CMTM7: variants seen among roughly 807,000 people sequenced by gnomAD.
CMTM7 encodes the protein CKLF-like MARVEL transmembrane domain-containing protein 7.
A neutral mutation model predicts 19.3 loss-of-function variants in CMTM7; 7 were observed. The ratio of observed to expected loss-of-function variants is 0.36; its 90% CI spans 0.21 to 0.68. The LOEUF (loss-of-function observed/expected upper bound fraction) is 0.68. Ranked by LOEUF, CMTM7 falls within the 30% of genes least tolerant of loss-of-function variation. CMTM7 has a pLI of 0.60. For synonymous variants in CMTM7, 87 were observed against 99.3 expected, an observed-to-expected ratio of 0.88 and a Z score of 0.74; for missense variants, 193 against 232.6, an observed-to-expected ratio of 0.83 and a Z score of 1.11.
At chr3:32,442,713 A>G (rs1696699563) in intron 2 of CMTM7, among the ~76,000 whole-genome samples, 1 of 152,150 alleles carries the variant, frequency 6.6e-6, no homozygotes, top group South Asian at 2.1e-4. Flanking sequence ...CTGAGGAGAC[A>G]GTCAGAAGTT....
intron 1 of CMTM7, among the ~76,000 whole-genome samples, chr3:32,432,295 A>C (rs1331208023): frequency 6.6e-6 from 1 of 152,044 alleles, no homozygotes; most frequent in Non-Finnish European, 1.5e-5. Context: ...GCCTCCTCCC[A>C]CCACAGGCTT....
intron 1 of CMTM7, among the ~76,000 whole-genome samples, chr3:32,400,209 G>A (rs1322784277): frequency 6.6e-6 from 1 of 151,750 alleles, no homozygotes; most frequent in African/African-American, 2.4e-5. Flanking sequence ...TAGTAGAGAC[G>A]GGGTTTCTCC....
intron 1 of CMTM7, among the ~76,000 whole-genome samples, chr3:32,403,223 GT>G (rs1364883930): frequency 6.6e-6 from 1 of 151,892 alleles, no homozygotes; most frequent in African/African-American, 2.4e-5. Flanking sequence ...TGTTCTTGTT[GT>G]TTGTTTTTGA....
intron 2 of CMTM7, among the ~76,000 whole-genome samples, chr3:32,444,297 C>T (rs1489174242): frequency 1.3e-5 from 2 of 152,236 alleles, no homozygotes; most frequent in African/African-American, 4.8e-5. Flanking sequence ...ATCCCAGCAT[C>T]ATATGTTGAA....
chr3:32,416,589 G>A (rs985551635), intron 1 of CMTM7, among the ~76,000 whole-genome samples: 13 of 151,204 alleles, frequency 8.6e-5, no homozygotes, highest in Non-Finnish European at 1.3e-4. Flanking sequence ...ACGGGGTTTC[G>A]CCTTGTTAGC....
intron 3 of CMTM7, chr3:32,452,051 TCTC>T: frequency 7.5e-7 from 1 of 1,339,122 alleles, no homozygotes; most frequent in South Asian, 1.2e-5. Context: ...ATCCTTTTCT[TCTC>T]TTTTGGTCCA....
At chr3:32,421,670 G>A (rs990675862) in intron 1 of CMTM7, among the ~76,000 whole-genome samples, 2 of 152,202 alleles carry the variant, frequency 1.3e-5, no homozygotes, top group Non-Finnish European at 2.9e-5. Context: ...GACAGGGTCC[G>A]TGTCTAAGCT....
chr3:32,429,582 C>G (rs552614412), intron 1 of CMTM7, among the ~76,000 whole-genome samples: 1 of 151,260 alleles, frequency 6.6e-6, no homozygotes, highest in African/African-American at 2.4e-5. Context: ...TGAGCCATCA[C>G]GGCTGGCTGG....
intron 1 of CMTM7, among the ~76,000 whole-genome samples, chr3:32,395,094 T>TCAA: frequency 6.7e-6 from 1 of 149,998 alleles, no homozygotes. Context: ...AGCCTTAACC[T>TCAA]CCTGGGCTCG....
intron 4 of CMTM7, among the ~76,000 whole-genome samples, chr3:32,453,579 C>T (rs1213622647): frequency 6.6e-6 from 1 of 152,178 alleles, no homozygotes; most frequent in Non-Finnish European, 1.5e-5. Flanking sequence ...GAATCCTACA[C>T]TGAGCCCATG....
chr3:32,411,727 C>T (rs1696177976), intron 1 of CMTM7, among the ~76,000 whole-genome samples: 2 of 152,248 alleles, frequency 1.3e-5, no homozygotes, highest in Non-Finnish European at 2.9e-5. Flanking sequence ...GTGTGTCTGA[C>T]CTTGCCACAT....
intron 1 of CMTM7, among the ~76,000 whole-genome samples, chr3:32,395,374 T>C (rs1209387485): frequency 6.6e-6 from 1 of 152,166 alleles, no homozygotes; most frequent in Non-Finnish European, 1.5e-5. Flanking sequence ...CTATATACCA[T>C]GTGTGTATAA....
intron 2 of CMTM7, among the ~76,000 whole-genome samples, chr3:32,444,865 C>T (rs112735233): frequency 0.081 from 12,331 of 152,248 alleles, 571 homozygotes; most frequent in Middle Eastern, 0.13. Flanking sequence ...ATCCTCTTGC[C>T]TCAGCCTCCC....
At chr3:32,410,943 A>G (rs1013535001) in intron 1 of CMTM7, among the ~76,000 whole-genome samples, 16 of 152,352 alleles carry the variant, frequency 1.1e-4, no homozygotes, top group Middle Eastern at 3.4e-3. Flanking sequence ...ATTAAAGGCT[A>G]AAAGAATCAA....
chr3:32,447,462 G>A (rs1483223005), intron 2 of CMTM7, among the ~76,000 whole-genome samples: 1 of 152,112 alleles, frequency 6.6e-6, no homozygotes, highest in Non-Finnish European at 1.5e-5. Context: ...GGTGTTGTTT[G>A]AATCTTCTAT....
chr3:32,410,753 C>T (rs1008042617), intron 1 of CMTM7, among the ~76,000 whole-genome samples: 5 of 152,196 alleles, frequency 3.3e-5, no homozygotes, highest in African/African-American at 7.2e-5. Context: ...GTGATAGCAC[C>T]TTTCTTTTTT....
chr3:32,424,108 T>A (rs751704339), intron 1 of CMTM7, among the ~76,000 whole-genome samples: 17 of 152,346 alleles, frequency 1.1e-4, no homozygotes, highest in African/African-American at 3.8e-4. Flanking sequence ...TACTCCACAA[T>A]GCCTGAGGCC....
chr3:32,434,178 A>C (rs1478826205), intron 1 of CMTM7, among the ~76,000 whole-genome samples: 2 of 152,172 alleles, frequency 1.3e-5, no homozygotes, highest in Admixed American at 6.5e-5. Context: ...AACAAGAGTG[A>C]AGCTCCGTCT....
At chr3:32,424,151 GTCATCTGAAGGCTTAC>G (rs1442494687) in intron 1 of CMTM7, among the ~76,000 whole-genome samples, 1 of 152,208 alleles carries the variant, frequency 6.6e-6, no homozygotes, top group African/African-American at 2.4e-5. Flanking sequence ...TGGGGCCAGA[GTCATCTGAAGGCTTAC>G]TGTCTCACAT....
Sources: allele counts gnomAD v4.1 joint callset (sites outside exome capture counted in the v4.1 genomes callset), GRCh38; gene constraint gnomAD v4.1.1; transcripts MANE v1.5; gene names NCBI Gene and HGNC (gene_info 2026-07-23, HGNC 2026-07-21).